MLLT10: variants seen among roughly 807,000 people sequenced by gnomAD.
The protein encoded by MLLT10 is protein AF-10.
MLLT10 carries 30 observed loss-of-function variants against 129.1 expected under a neutral mutation model. The ratio of observed to expected loss-of-function variants is 0.23; its 90% confidence interval spans 0.17 to 0.32. The LOEUF (loss-of-function observed/expected upper bound fraction) is 0.32, where lower values mean the gene tolerates loss of function less well. Ranked by LOEUF, MLLT10 falls within the 10% of genes least tolerant of loss-of-function variation. The pLI, the probability that MLLT10 is intolerant of heterozygous loss-of-function variation, is 1.00. For synonymous variants in MLLT10, 490 were observed against 446.4 expected (o/e 1.10, Z -1.23); for missense variants, 1,119 against 1,268.3 (o/e 0.88, Z 1.79).
At chr10:21,575,066 C>A (rs2040594146) in intron 3 of MLLT10, among the ~76,000 whole-genome samples, 1 of 152,082 alleles carries the variant, frequency 6.6e-6, no homozygotes, top group South Asian at 2.1e-4. Flanking sequence ...ACTTCAAATT[C>A]TCTGTTACTT....
Position 21,534,501 on chromosome 10 carries a change from G to C in MLLT10, c.-20G>C. On this transcript the variant is annotated 5_prime_UTR_variant, in exon 1 of 23. It removes the in-frame stop codon of an upstream open reading frame in the 5' UTR. Coordinates refer to ENST00000307729, the MANE Select transcript of MLLT10 (RefSeq NM_001195626.3). The stretch of plus-strand genomic sequence containing the variant: ...CCTGACTCCTGTGCGGAACGTGAGT[G>C]ACTGAGCGGCAAAGCCCGAGTGAGC... The C allele has an allele frequency of 1.2e-6, 1 of 821,664 alleles. No homozygotes were observed. The highest frequency in any genetic ancestry group is 1.9e-6 in the Non-Finnish European group (1 of 539,640). 50.9% of individuals were successfully genotyped at this position (821,664 alleles called of 1,614,324 possible).
intron 3 of MLLT10, among the ~76,000 whole-genome samples, chr10:21,563,350 C>T (rs1237402918): frequency 2.6e-5 from 4 of 151,982 alleles, no homozygotes; most frequent in East Asian, 1.9e-4. Flanking sequence ...ATGGTGAAAC[C>T]TGTCTCTACT....
intron 5 of MLLT10, among the ~76,000 whole-genome samples, chr10:21,606,045 C>T (rs1175583965): frequency 6.6e-6 from 1 of 152,006 alleles, no homozygotes; most frequent in Non-Finnish European, 1.5e-5. Flanking sequence ...TGTTAATTCT[C>T]ATATTATTTC....
chr10:21,651,916 T>TTC (rs2049081701), intron 9 of MLLT10, 148 bp downstream of exon 9: 6 of 536,416 alleles, frequency 1.1e-5, no homozygotes, highest in Admixed American at 6.8e-5. Flanking sequence ...TTTTTTTTTT[T>TTC]TTTTTTTTTT....
intron 3 of MLLT10, among the ~76,000 whole-genome samples, chr10:21,583,993 C>T (rs2041730341): frequency 6.6e-6 from 1 of 152,008 alleles, no homozygotes; most frequent in Non-Finnish European, 1.5e-5. Context: ...CTTCAGCCTC[C>T]CAAGTAGCTG....
intron 8 of MLLT10, among the ~76,000 whole-genome samples, chr10:21,647,046 C>T (rs192202599): frequency 4.6e-5 from 7 of 151,972 alleles, no homozygotes; most frequent in Admixed American, 1.3e-4. Flanking sequence ...TAGTAGAGAA[C>T]GGGGTTTCAC....
At chr10:21,588,774 T>C (rs2042232313) in intron 4 of MLLT10, among the ~76,000 whole-genome samples, 2 of 152,042 alleles carry the variant, frequency 1.3e-5, no homozygotes, top group Admixed American at 1.3e-4. Flanking sequence ...TGAAGAGCAG[T>C]TTGTTTTTTC....
intron 9 of MLLT10, among the ~76,000 whole-genome samples, chr10:21,666,714 T>G (rs576012105): frequency 6.6e-6 from 1 of 152,238 alleles, no homozygotes; most frequent in East Asian, 1.9e-4. Context: ...CTTTATTGTT[T>G]ACCATTTTTA....
chr10:21,603,230 T>TC (rs1744657499), intron 5 of MLLT10, among the ~76,000 whole-genome samples: 1 of 150,274 alleles, frequency 6.7e-6, no homozygotes, highest in African/African-American at 2.4e-5. Context: ...TTTTTTTTTT[T>TC]TTTTTTTTGT....
chr10:21,536,638 A>G (rs1358186273), intron 2 of MLLT10, among the ~76,000 whole-genome samples: 3 of 152,100 alleles, frequency 2.0e-5, no homozygotes, highest in Non-Finnish European at 4.4e-5. Context: ...GCAGGGTGCT[A>G]TTACAGCTCA....
intron 8 of MLLT10, chr10:21,625,681 C>T (rs2046361511): frequency 2.6e-6 from 2 of 765,154 alleles, no homozygotes; most frequent in Non-Finnish European, 4.9e-6. Flanking sequence ...TAGTCTTATT[C>T]TTCAGAATGG....
At chr10:21,534,038 C>T (rs974144381), upstream of MLLT10, 2 of 164,592 alleles carry the variant, frequency 1.2e-5, no homozygotes, top group Non-Finnish European at 2.6e-5. Context: ...GCCCCCGCGC[C>T]CGTTCATTCC....
chr10:21,625,659 G>C, intron 8 of MLLT10: 1 of 762,908 alleles, frequency 1.3e-6, no homozygotes, highest in Non-Finnish European at 2.5e-6. Context: ...AATTCTTCCA[G>C]AGTGTTTTCT....
intron 4 of MLLT10, among the ~76,000 whole-genome samples, chr10:21,588,265 C>T (rs1235424093): frequency 1.3e-5 from 2 of 152,036 alleles, no homozygotes; most frequent in East Asian, 1.9e-4. Context: ...TGGGGTTTCA[C>T]GATGTTGGCC....
At chr10:21,662,602 C>A (rs887805709) in intron 9 of MLLT10, among the ~76,000 whole-genome samples, 9 of 152,078 alleles carry the variant, frequency 5.9e-5, no homozygotes, top group Non-Finnish European at 1.2e-4. Flanking sequence ...TGTTGTCTAC[C>A]TTTTCCATTA....
intron 9 of MLLT10, among the ~76,000 whole-genome samples, chr10:21,652,666 CT>C (rs1392184647): frequency 1.3e-5 from 2 of 152,098 alleles, no homozygotes; most frequent in African/African-American, 4.8e-5. Flanking sequence ...AGTGTAAGGA[CT>C]TTGTGTTTAG....
intron 9 of MLLT10, among the ~76,000 whole-genome samples, chr10:21,664,584 T>C (rs1237594968): frequency 1.3e-5 from 2 of 152,084 alleles, no homozygotes; most frequent in African/African-American, 4.8e-5. Context: ...CGTGCCCGGC[T>C]CTATGTGTTT....
intron 5 of MLLT10, among the ~76,000 whole-genome samples, chr10:21,609,441 G>A (rs923763467): frequency 2.0e-5 from 3 of 152,178 alleles, no homozygotes; most frequent in Non-Finnish European, 4.4e-5. Context: ...TTTGATCAGA[G>A]GTTGTACTGT....
rs1214545463 is a variant in MLLT10, at chr10:21,722,876, C to T, written c.1879-3368C>T. On this transcript the variant is annotated intron_variant, in intron 14 of 22. Transcript: ENST00000307729. ...CATCTTACCAACCTTAAAATGATGA[C>T]GTTCATGATTTCAGTTTCCCAGCAG... Among the ~76,000 whole-genome samples the T allele has an allele frequency of 2.6e-5, 4 of 152,190 alleles. No homozygotes were observed. The South Asian group carries it at 8.3e-4, about 32-fold the overall frequency.
Sources: allele counts gnomAD v4.1 joint callset (sites outside exome capture counted in the v4.1 genomes callset), GRCh38; gene constraint gnomAD v4.1.1; transcripts MANE v1.5; gene names NCBI Gene and HGNC (gene_info 2026-07-23, HGNC 2026-07-21).